The following RPTOR variants were observed in gnomAD, a reference collection of about 807,000 sequenced individuals.
The protein encoded by RPTOR is regulatory-associated protein of mTOR.
In RPTOR, 21 loss-of-function variants were observed where a neutral mutation model predicts 169.9. That is an observed-to-expected ratio of 0.12 (90% CI 0.09 to 0.18). The LOEUF is 0.18. RPTOR is among the 10% of genes least tolerant of loss of function. The pLI, the probability that RPTOR is intolerant of heterozygous loss-of-function variation, is 1.00. For missense variants in RPTOR, 1,133 were observed against 1,855.9 expected, an observed-to-expected ratio of 0.61 and a Z score of 7.16; for synonymous variants, 732 against 753.2, an observed-to-expected ratio of 0.97 and a Z score of 0.46.
Position 80,893,918 on chromosome 17 carries a change from C to T in RPTOR, c.2401+53C>T, listed in dbSNP as rs545289837. On this transcript the variant is annotated intron_variant, in intron 20 of 33. Transcript: ENST00000306801. ...CGAGGGGCCCCGAGGGTCTCCTCCC[C>T]ACACAGAGCAGCACAGACCTGTGTC... The T allele has an allele frequency of 4.2e-5, 63 of 1,491,012 alleles. No individual in the cohort carries two copies. In the South Asian group the frequency reaches 5.9e-4, roughly 14 times the overall value. The allele number at this position is 1,491,012 out of a possible 1,614,324, so 92.4% of individuals were successfully genotyped here. A position where few individuals can be genotyped will look rare whatever the true frequency, so the allele number is the denominator to read the frequency against.
chr17:80,825,300 G>T (rs959995850), intron 9 of RPTOR, among the ~76,000 whole-genome samples: 1 of 149,108 alleles, frequency 6.7e-6, no homozygotes, highest in African/African-American at 2.5e-5. Flanking sequence ...TCCAGAGGCC[G>T]CGTGGCGAGT....
At chr17:80,791,611 A>T (rs1298263783) in intron 7 of RPTOR, 102 bp downstream of exon 7, 1 of 990,462 alleles carries the variant, frequency 1.0e-6, no homozygotes, top group African/African-American at 1.6e-5. Flanking sequence ...TCAACATGGC[A>T]TGTTCCCTTT....
At chr17:80,780,937 T>C (rs1041075600) in intron 6 of RPTOR, among the ~76,000 whole-genome samples, 2 of 152,210 alleles carry the variant, frequency 1.3e-5, no homozygotes, top group Non-Finnish European at 2.9e-5. Flanking sequence ...TGTGTGTGAT[T>C]TTTTATGTGG....
chr17:80,832,077 TG>T (rs2143652878), intron 9 of RPTOR, among the ~76,000 whole-genome samples: 1 of 152,338 alleles, frequency 6.6e-6, no homozygotes, highest in East Asian at 1.9e-4. Context: ...ACGGAGGGCA[TG>T]CAGCCAACAC....
At position 80,562,648 on chromosome 17, in the gene RPTOR, G is replaced by A. The variant is rs989002314; in HGVS notation, c.162+16857G>A. Among the ~76,000 whole-genome samples, 1 of 152,152 alleles carries A rather than the reference G, an allele frequency of 6.6e-6. No homozygotes were observed. Among genetic ancestry groups the A allele is most frequent in the African/African-American group, 2.4e-5 (1 of 41,436 alleles). On this transcript the variant is annotated intron_variant, in intron 1 of 33. Coordinates refer to ENST00000306801, the MANE Select transcript of RPTOR (RefSeq NM_020761.3). This position sits in a 1 kb window ranked among gnomAD's most constrained non-coding sequence, Gnocchi z 4.4. ...AAAATACAGGAATTATCTGGGTGTG[G>A]TGACGCACACCTGTAATCCCAGCTA...
At chr17:80,685,621 A>T (rs372367761) in intron 3 of RPTOR, among the ~76,000 whole-genome samples, 360 of 15,598 alleles carry the variant, frequency 0.023, 10 homozygotes, top group South Asian at 0.054. Flanking sequence ...ATATATATAT[A>T]TATATATTTT....
At chr17:80,607,108 C>CT (rs980404595) in intron 1 of RPTOR, among the ~76,000 whole-genome samples, 8 of 149,862 alleles carry the variant, frequency 5.3e-5, no homozygotes, top group East Asian at 1.9e-4. Flanking sequence ...CATCCTTCAA[C>CT]TTTTTTTTTT....
chr17:80,753,863 C>T (rs1299838866), intron 5 of RPTOR, 147 bp from the exon 6 acceptor site: 10 of 746,220 alleles, frequency 1.3e-5, no homozygotes, highest in Non-Finnish European at 2.3e-6. Flanking sequence ...AGTTCAGCAG[C>T]GACGCCTCTC....
intron 24 of RPTOR, among the ~76,000 whole-genome samples, chr17:80,934,678 A>T (rs1042165492): frequency 6.6e-6 from 1 of 152,236 alleles, no homozygotes; most frequent in South Asian, 2.1e-4. Context: ...TTAACTAAAA[A>T]CTCAACACAG....
At chr17:80,940,749 C>T in intron 25 of RPTOR, 148 bp downstream of exon 25, 1 of 609,370 alleles carries the variant, frequency 1.6e-6, no homozygotes, top group East Asian at 2.9e-5. Flanking sequence ...CACCCCACCT[C>T]CCTTGCAGAT....
intron 9 of RPTOR, among the ~76,000 whole-genome samples, chr17:80,829,503 A>T (rs976284853): frequency 2.6e-5 from 4 of 152,192 alleles, no homozygotes; most frequent in Admixed American, 6.5e-5. Context: ...TGCGAGCCCA[A>T]CCAGACACAT....
rs1272895777 is a variant in RPTOR at position 80,643,759 on chromosome 17, G to T, written c.297G>T (p.Leu99=). 1 of 1,613,568 alleles carries T rather than the reference G, an allele frequency of 6.2e-7. No individual in the cohort carries two copies. Among genetic ancestry groups the T allele is most frequent in the Non-Finnish European group, 8.5e-7 (1 of 1,179,788 alleles). ...DPLSMGPQKA[L]ETIGANLQKQ... ...TGTCGATGGGTCCTCAGAAAGCTCT[G>T]GAAACCATCGGTGCAAATTTACAGA... The change falls in exon 3 of 34, where the codon CTG becomes CTT. Residue 99 remains leucine, a synonymous_variant. Coordinates refer to ENST00000306801, the MANE Select transcript of RPTOR (RefSeq NM_020761.3).
At chr17:80,716,487 G>C (rs1457762904) in intron 4 of RPTOR, among the ~76,000 whole-genome samples, 1 of 152,066 alleles carries the variant, frequency 6.6e-6, no homozygotes, top group Non-Finnish European at 1.5e-5. Flanking sequence ...CAGTTGTGTA[G>C]ATTGTTAAGA....
At chr17:80,781,665 A>C (rs760472546) in intron 6 of RPTOR, among the ~76,000 whole-genome samples, 1 of 152,216 alleles carries the variant, frequency 6.6e-6, no homozygotes, top group East Asian at 1.9e-4. Flanking sequence ...ATCTAAATAC[A>C]CTGGGCTTGG....
At position 80,961,677 on chromosome 17, in the gene RPTOR, G is replaced by A. The variant is rs2069343584; in HGVS notation, c.3692+197G>A. 8.1e-6 allele frequency: 5 copies of A among 619,876 alleles called. No individual in the cohort carries two copies. The South Asian group carries it at 8.6e-5, about 11-fold the overall frequency. The allele number at this position is 619,876 out of a possible 1,614,324, so 38.4% of individuals were successfully genotyped here. The stretch of plus-strand genomic sequence containing the variant: ...GGGGCCACAGCTGCTCCCCTGCTGG[G>A]GGACACCTGACCTGCAGGCGCTTTG... On this transcript the variant is annotated intron_variant, in intron 31 of 33. Coordinates refer to ENST00000306801, the MANE Select transcript of RPTOR (RefSeq NM_020761.3).
rs756882133 is a variant in RPTOR, at chr17:80,860,176, C to T, written c.1509+2276C>T. 9.9e-5 allele frequency among the ~76,000 whole-genome samples: 15 copies of T among 152,240 alleles called. No individual in the cohort carries two copies. The highest frequency in any genetic ancestry group is 1.8e-4 in the Non-Finnish European group (12 of 68,024). On this transcript the variant is annotated intron_variant, in intron 13 of 33. Coordinates refer to ENST00000306801, the MANE Select transcript of RPTOR (RefSeq NM_020761.3). The surrounding 1 kb of genome is among the most constrained non-coding windows in gnomAD (Gnocchi z 5.8). ...TTCTGTCAGCTCCTCCGTCCAGTCACTGGCACTGAGACCCAGCCTCATCCT... is the reference window on the plus strand; with the variant it reads ...TTCTGTCAGCTCCTCCGTCCAGTCATTGGCACTGAGACCCAGCCTCATCCT...
intron 7 of RPTOR, among the ~76,000 whole-genome samples, chr17:80,797,164 G>A (rs932593494): frequency 8.5e-5 from 13 of 152,054 alleles, no homozygotes; most frequent in African/African-American, 2.7e-4. Context: ...ACAGGGATTC[G>A]CTCTGCTGCC....
intron 4 of RPTOR, among the ~76,000 whole-genome samples, chr17:80,725,511 T>C (rs543625860): frequency 1.0e-3 from 154 of 152,298 alleles, no homozygotes; most frequent in African/African-American, 3.6e-3. Context: ...GCCTTCCGTG[T>C]ATACAGGGGG....
At chr17:80,924,738 C>G (rs148069196) in intron 23 of RPTOR, among the ~76,000 whole-genome samples, 1 of 152,306 alleles carries the variant, frequency 6.6e-6, no homozygotes, top group South Asian at 2.1e-4. Flanking sequence ...CAAGACACAG[C>G]GTGAGAGACG....
Sources: gnomAD v4.1 joint callset for allele counts (sites outside exome capture counted in the v4.1 genomes callset) on GRCh38, gnomAD v4.1.1 for gene constraint, Gnocchi (gnomAD v3.1) non-coding constraint, MANE v1.5 for transcripts, NCBI Gene and HGNC (gene_info 2026-07-23, HGNC 2026-07-21) for gene names.